Variants in COX20 observed in about 807,000 individuals in gnomAD.
The protein encoded by COX20 is cytochrome c oxidase assembly factor COX20.
A neutral mutation model predicts 14.3 loss-of-function variants in COX20; 14 were observed. The ratio of observed to expected loss-of-function variants is 0.98; its 90% CI spans 0.65 to 1.53. The LOEUF (loss-of-function observed/expected upper bound fraction) is 1.53. Ranked by LOEUF, COX20 falls within the 40% of genes most tolerant of loss-of-function variation. The pLI is 0.00. For synonymous variants in COX20, 56 were observed against 51.7 expected, an observed-to-expected ratio of 1.08 and a Z score of -0.36; for missense variants, 149 against 142.1, an observed-to-expected ratio of 1.05 and a Z score of -0.25.
intron 1 of COX20, among the ~76,000 whole-genome samples, chr1:244,838,325 G>C (rs746065487): frequency 6.6e-6 from 1 of 152,170 alleles, no homozygotes; most frequent in Non-Finnish European, 1.5e-5. Context: ...TTAAGCAGAT[G>C]AATGAGGCTG....
intron 1 of COX20, chr1:244,836,514 T>C (rs1288820918): frequency 1.9e-6 from 3 of 1,550,326 alleles, no homozygotes; most frequent in African/African-American, 2.7e-5. Flanking sequence ...ATTTATCATA[T>C]TGGAAGGTAA....
At chr1:244,836,382 A>AT in intron 1 of COX20, 1 of 969,508 alleles carries the variant, frequency 1.0e-6, no homozygotes, top group South Asian at 1.4e-5. Flanking sequence ...CTTTAAGGAT[A>AT]AAACCCAAAT....
upstream of COX20, chr1:244,835,617 CGGCGCGTGGGGGCGGGACGGGGAGG>C: frequency 1.1e-6 from 1 of 930,394 alleles, no homozygotes; most frequent in Non-Finnish European, 1.4e-6. Context: ...CGGGAGGCGG[CGGCGCGTGGGGGCGGGACGGGGAGG>C]GGCGCGGCCA....
Position 244,843,261 on chromosome 1 carries a change from T to C in COX20, c.*85T>C. On this transcript the variant is annotated 3_prime_UTR_variant, in exon 4 of 4. Transcript: ENST00000411948. The stretch of plus-strand genomic sequence containing the variant: ...CATGTGCAATAAGCTCTCAATCAAG[T>C]AAATAAAGTTTAAGTTGTAGTCATT... 1 of 1,421,910 alleles carries C rather than the reference T, an allele frequency of 7.0e-7. No homozygotes were observed. The highest frequency in any genetic ancestry group is 1.3e-5 in the South Asian group (1 of 77,228). The allele number at this position is 1,421,910 out of a possible 1,614,324, so 88.1% of individuals were successfully genotyped here.
intron 1 of COX20, among the ~76,000 whole-genome samples, chr1:244,838,347 A>G (rs570379677): frequency 6.6e-6 from 1 of 152,188 alleles, no homozygotes; most frequent in South Asian, 2.1e-4. Context: ...AGCTTGGGAG[A>G]GATTAGGGTT....
intron 1 of COX20, chr1:244,836,453 A>G (rs1279875289): frequency 5.8e-6 from 9 of 1,547,576 alleles, no homozygotes; most frequent in Admixed American, 2.0e-5. Context: ...GTTTCACCAA[A>G]GCTGACTTAC....
chr1:244,836,891 G>A (rs1908626), intron 1 of COX20, among the ~76,000 whole-genome samples: 149,102 of 152,142 alleles, frequency 0.98, 73,080 homozygotes, highest in East Asian at 1. Context: ...CAGGTTGTCA[G>A]TTTACGTACT....
At chr1:244,839,715 T>C (rs1443680203) in intron 1 of COX20, 4 of 152,214 alleles carry the variant, frequency 2.6e-5, no homozygotes, top group African/African-American at 9.7e-5. Context: ...TGCAGGGATT[T>C]ATGTACTGAA....
rs1680334912 is a variant in COX20 at position 244,844,250 on chromosome 1, C to T, written c.*1074C>T. On this transcript the variant is annotated 3_prime_UTR_variant, in exon 4 of 4. Coordinates refer to ENST00000411948, the MANE Select transcript of COX20 (RefSeq NM_198076.6). ...TTCAATTCACAAGAGCATTTTCCCT[C>T]CCATGCCCACCTTTTCTTGTGGCTG... is the stretch of plus-strand genomic sequence containing the variant. 6.6e-6 allele frequency: 1 copy of T among 152,206 alleles called. No individual in the cohort carries two copies. 9.4% of individuals were successfully genotyped at this position (152,206 alleles called of 1,614,324 possible). A position where few individuals can be genotyped will look rare whatever the true frequency, so the allele number is the denominator to read the frequency against.
upstream of COX20, chr1:244,835,548 G>A (rs371847459): frequency 2.1e-5 from 9 of 422,940 alleles, no homozygotes; most frequent in South Asian, 1.2e-4. Context: ...GGCCCCGTGC[G>A]GCCACTGCGG....
intron 1 of COX20, 182 bp from the exon 2 acceptor site, chr1:244,841,762 G>A: frequency 3.7e-6 from 2 of 540,336 alleles, no homozygotes; most frequent in Middle Eastern, 4.9e-4. Flanking sequence ...CGGATTTAAA[G>A]ATTCAGACTG....
chr1:244,839,860 C>T (rs1369665409), intron 1 of COX20: 1 of 152,236 alleles, frequency 6.6e-6, no homozygotes, highest in Non-Finnish European at 1.5e-5. Context: ...TCTGCCTCCA[C>T]TCCTGCCAAC....
intron 1 of COX20, chr1:244,841,138 T>C (rs928126437): frequency 6.6e-6 from 1 of 152,154 alleles, no homozygotes; most frequent in Non-Finnish European, 1.5e-5. Flanking sequence ...ATAAATCCAA[T>C]GAAGACTGTA....
At position 244,843,474 on chromosome 1, in the gene COX20, T is replaced by C. The variant is rs1457437198; in HGVS notation, c.*298T>C. ...TAATGTACTTGGAGTTTCCTTGTAG[T>C]AGTAAGTATAGAGTTTGATGATAAG... On this transcript the variant is annotated 3_prime_UTR_variant, in exon 4 of 4. Transcript: ENST00000411948. The C allele has an allele frequency of 3.4e-6, 1 of 297,386 alleles. No homozygotes were observed. Among genetic ancestry groups the C allele is most frequent in the African/African-American group, 2.3e-5 (1 of 44,006 alleles). 18.4% of individuals were successfully genotyped at this position (297,386 alleles called of 1,614,324 possible).
chr1:244,835,761 C>T lies in COX20; in HGVS notation c.42+5C>T, dbSNP rs2102967928. ...GGTGAGCCCGAGGAGAGGAAGGTAA[C>T]CTGGGGGTCGGCGGGGCGCGCGCCG... is the stretch of plus-strand genomic sequence containing the variant. On this transcript the variant is annotated splice_donor_5th_base_variant and intron_variant, in intron 1 of 3. Transcript: ENST00000411948. The T allele has an allele frequency of 7.9e-7, 1 of 1,258,862 alleles. No individual in the cohort carries two copies. Among genetic ancestry groups the T allele is most frequent in the Admixed American group, 4.0e-5 (1 of 24,778 alleles). The allele number at this position is 1,258,862 out of a possible 1,614,324, so 78.0% of individuals were successfully genotyped here. A position where few individuals can be genotyped will look rare whatever the true frequency, so the allele number is the denominator to read the frequency against.
chr1:244,835,796 G>C, intron 1 of COX20, 40 bp downstream of exon 1: 2 of 1,241,656 alleles, frequency 1.6e-6, no homozygotes, highest in Admixed American at 8.4e-5. Context: ...GCGGGTGGGC[G>C]GTGGGTAAGG....
chr1:244,836,510 C>T, intron 1 of COX20: 1 of 1,550,410 alleles, frequency 6.4e-7, no homozygotes, highest in Non-Finnish European at 8.7e-7. Context: ...TTACATTTAT[C>T]ATATTGGAAG....
At chr1:244,842,373 A>G (rs1433256744) in intron 3 of COX20, 115 bp downstream of exon 3, 3 of 754,440 alleles carry the variant, frequency 4.0e-6, no homozygotes, top group African/African-American at 3.5e-5. Flanking sequence ...CTCAATGAAG[A>G]ATCTTGATTT....
chr1:244,838,559 A>C (rs1680072465), intron 1 of COX20, among the ~76,000 whole-genome samples: 1 of 152,220 alleles, frequency 6.6e-6, no homozygotes, highest in Non-Finnish European at 1.5e-5. Flanking sequence ...AGTTTCAAAA[A>C]CAAATGATAA....
Sources: gnomAD v4.1 joint callset for allele counts (sites outside exome capture counted in the v4.1 genomes callset) on GRCh38, gnomAD v4.1.1 for gene constraint, MANE v1.5 for transcripts, NCBI Gene and HGNC (gene_info 2026-07-23, HGNC 2026-07-21) for gene names.